The following DCDC1 variants were observed in gnomAD, a reference collection of about 807,000 sequenced individuals.
DCDC1 encodes doublecortin domain containing 1.
A neutral mutation model predicts 178.3 loss-of-function variants in DCDC1; 200 were observed. That is an observed-to-expected ratio of 1.12 (90% CI 1.00 to 1.26). The LOEUF is 1.26. DCDC1 is among the 50% of genes most tolerant of loss of function. DCDC1 has a pLI of 0.00. For missense variants in DCDC1, 1,983 were observed against 1,749.2 expected (o/e 1.13, Z -2.38); for synonymous variants, 690 against 604.8 (o/e 1.14, Z -2.07).
At chr11:30,899,436 A>C (rs1944491642) in intron 34 of DCDC1, 105 bp downstream of exon 34, 1 of 536,348 alleles carries the variant, frequency 1.9e-6, no homozygotes. Context: ...TGTTTTATAT[A>C]GTACTCTTTA....
intron 20 of DCDC1, among the ~76,000 whole-genome samples, chr11:31,041,308 G>C (rs780921752): frequency 6.6e-6 from 1 of 152,184 alleles, no homozygotes; most frequent in Non-Finnish European, 1.5e-5. Flanking sequence ...ATAAAAGAAA[G>C]TGATGGGGTT....
intron 20 of DCDC1, among the ~76,000 whole-genome samples, chr11:31,000,731 A>T (rs1159075063): frequency 6.1e-5 from 9 of 148,110 alleles, no homozygotes; most frequent in African/African-American, 1.5e-4. Context: ...TACTATGTTT[A>T]AAAAAAAAAG....
chr11:30,874,629 C>T lies in DCDC1; in HGVS notation c.*40+3915G>A, dbSNP rs570143968. 3.3e-5 allele frequency among the ~76,000 whole-genome samples: 5 copies of T among 152,208 alleles called. No homozygotes were observed. The South Asian group carries it at 1.0e-3, about 32-fold the overall frequency. ...CTGGGAAGTTCCCTCCTCTCCTCCA[C>T]CTCTCTCCAGCATAGTCACTGAGTA... On this transcript the variant is annotated intron_variant, in intron 38 of 38. Coordinates refer to ENST00000684477, the MANE Select transcript of DCDC1 (RefSeq NM_001387274.1).
intron 21 of DCDC1, among the ~76,000 whole-genome samples, chr11:30,932,768 T>C (rs1176356496): frequency 6.6e-6 from 1 of 152,000 alleles, no homozygotes; most frequent in Admixed American, 6.6e-5. Flanking sequence ...CAGTAAAGGA[T>C]GGGTAAAAAG....
chr11:31,309,092 T>C (rs1362754547), intron 3 of DCDC1, among the ~76,000 whole-genome samples: 8 of 151,856 alleles, frequency 5.3e-5, no homozygotes, highest in African/African-American at 1.9e-4. Flanking sequence ...GGTCAATTAT[T>C]TCCTCTGAAA....
At chr11:30,969,481 A>G (rs1949659307) in intron 20 of DCDC1, among the ~76,000 whole-genome samples, 1 of 152,206 alleles carries the variant, frequency 6.6e-6, no homozygotes, top group Non-Finnish European at 1.5e-5. Flanking sequence ...ATTTTGGCTC[A>G]ATGATACTGA....
In DCDC1 at chr11:31,306,478, T is replaced by C. The variant is rs921254340; in HGVS notation, c.435-90A>G. 3.0e-6 allele frequency: 4 copies of C among 1,350,922 alleles called. No homozygotes were observed. The African/African-American group carries it at 4.5e-5, about 15-fold the overall frequency. The allele number at this position is 1,350,922 out of a possible 1,614,324, so 83.7% of individuals were successfully genotyped here. A position where few individuals can be genotyped will look rare whatever the true frequency, so the allele number is the denominator to read the frequency against. On this transcript the variant is annotated intron_variant, in intron 4 of 38. Transcript: ENST00000684477. ...TATCCTGGATTTTTTTAAACAGATA[T>C]AAGCACTAAAGATTGTTCCTATGTA...
intron 11 of DCDC1, among the ~76,000 whole-genome samples, chr11:31,117,540 T>C (rs2135857032): frequency 6.6e-6 from 1 of 152,068 alleles, no homozygotes; most frequent in East Asian, 1.9e-4. Flanking sequence ...AGGAGACTCC[T>C]GTAAAATGGC....
At chr11:30,907,089 G>T (rs768517472) in intron 29 of DCDC1, among the ~76,000 whole-genome samples, 5 of 152,156 alleles carry the variant, frequency 3.3e-5, no homozygotes, top group African/African-American at 4.8e-5. Flanking sequence ...GAGCCAACAT[G>T]AAGGAGCCTC....
At chr11:31,225,612 A>C (rs919097478) in intron 9 of DCDC1, among the ~76,000 whole-genome samples, 6 of 150,082 alleles carry the variant, frequency 4.0e-5, no homozygotes, top group African/African-American at 1.2e-4. Context: ...ATATACATAT[A>C]TGTAATATAT....
chr11:31,202,800 C>T (rs978084904), intron 9 of DCDC1, among the ~76,000 whole-genome samples: 7 of 151,998 alleles, frequency 4.6e-5, no homozygotes, highest in African/African-American at 9.7e-5. Context: ...GCTCCATATA[C>T]GGAGAGGTTC....
intron 20 of DCDC1, among the ~76,000 whole-genome samples, chr11:30,963,965 T>G (rs1949272613): frequency 6.6e-6 from 1 of 152,190 alleles, no homozygotes; most frequent in South Asian, 2.1e-4. Context: ...GCTGTTTTCG[T>G]AAATTCTTGT....
chr11:31,142,299 T>C (rs908462199), intron 9 of DCDC1, among the ~76,000 whole-genome samples: 2 of 152,222 alleles, frequency 1.3e-5, no homozygotes, highest in Non-Finnish European at 1.5e-5. Context: ...AGGACTGATA[T>C]TTTTGGTTGC....
At chr11:31,240,559 T>C (rs904549396) in intron 9 of DCDC1, among the ~76,000 whole-genome samples, 2 of 152,010 alleles carry the variant, frequency 1.3e-5, no homozygotes, top group Admixed American at 6.6e-5. Context: ...CCTTCCTCTC[T>C]GCAAGCAGAG....
At chr11:31,249,000 T>C (rs927225157) in intron 8 of DCDC1, among the ~76,000 whole-genome samples, 1 of 152,158 alleles carries the variant, frequency 6.6e-6, no homozygotes, top group African/African-American at 2.4e-5. Context: ...TCTGGGATCA[T>C]GGACAAGTCA....
chr11:31,034,901 C>A (rs1953924252), intron 20 of DCDC1, among the ~76,000 whole-genome samples: 1 of 152,168 alleles, frequency 6.6e-6, no homozygotes, highest in African/African-American at 2.4e-5. Flanking sequence ...ATTTTATATA[C>A]ACATTAACTG....
At chr11:31,138,332 C>T (rs924590774) in intron 9 of DCDC1, among the ~76,000 whole-genome samples, 6 of 152,182 alleles carry the variant, frequency 3.9e-5, no homozygotes, top group Admixed American at 1.3e-4. Flanking sequence ...AGGTCTTCTA[C>T]TACTGCTGCC....
chr11:31,330,556 T>C (rs1349258586), intron 2 of DCDC1, among the ~76,000 whole-genome samples: 1 of 152,236 alleles, frequency 6.6e-6, no homozygotes, highest in Admixed American at 6.5e-5. Flanking sequence ...TTTTAATCCA[T>C]CTTGAATTAA....
chr11:31,171,851 G>C (rs1967282260), intron 9 of DCDC1, among the ~76,000 whole-genome samples: 2 of 152,166 alleles, frequency 1.3e-5, no homozygotes, highest in South Asian at 4.1e-4. Context: ...AGTTTCATGT[G>C]TATAGTACTG....
Sources: gnomAD v4.1 joint callset for allele counts (sites outside exome capture counted in the v4.1 genomes callset) on GRCh38, gnomAD v4.1.1 for gene constraint, MANE v1.5 for transcripts, NCBI Gene and HGNC (gene_info 2026-07-23, HGNC 2026-07-21) for gene names.